The following ATP8A2 variants were observed in gnomAD, a reference collection of about 807,000 sequenced individuals.
ATP8A2 encodes ATPase phospholipid transporting 8A2.
ATP8A2 carries 100 observed loss-of-function variants against 165.6 expected under a neutral mutation model. The ratio of observed to expected loss-of-function variants is 0.60; its 90% CI spans 0.51 to 0.71. The LOEUF (loss-of-function observed/expected upper bound fraction) is 0.71, where lower values mean the gene tolerates loss of function less well. Among genes scored for constraint, ATP8A2 ranks in the 30% least tolerant of loss-of-function variants. The pLI is 0.00. For synonymous variants in ATP8A2, 543 were observed against 548.8 expected, an observed-to-expected ratio of 0.99 and a Z score of 0.15; for missense variants, 1,227 against 1,479.5, an observed-to-expected ratio of 0.83 and a Z score of 2.80.
At chr13:25,979,762 G>A (rs1956140625) in intron 35 of ATP8A2, among the ~76,000 whole-genome samples, 2 of 152,228 alleles carry the variant, frequency 1.3e-5, no homozygotes, top group African/African-American at 4.8e-5. Context: ...GAGACAGTGA[G>A]TGGTGGCTCC....
At chr13:25,875,735 T>A (rs1250265384) in intron 33 of ATP8A2, among the ~76,000 whole-genome samples, 2 of 149,512 alleles carry the variant, frequency 1.3e-5, no homozygotes, top group African/African-American at 5.2e-5. Flanking sequence ...GTCTGTGGCA[T>A]GATATTCATT....
chr13:25,578,153 A>G (rs534846720), intron 20 of ATP8A2, among the ~76,000 whole-genome samples: 35 of 152,368 alleles, frequency 2.3e-4, no homozygotes, highest in African/African-American at 8.2e-4. Flanking sequence ...GAAGAGGTAC[A>G]TACGAAAATG....
chr13:25,868,299 A>G (rs1487038836), intron 33 of ATP8A2, among the ~76,000 whole-genome samples: 1 of 152,226 alleles, frequency 6.6e-6, no homozygotes, highest in East Asian at 1.9e-4. Flanking sequence ...CTGAATGAGC[A>G]TATCTTAAGG....
At chr13:26,001,843 C>T (rs1487762177) in intron 35 of ATP8A2, among the ~76,000 whole-genome samples, 1 of 152,080 alleles carries the variant, frequency 6.6e-6, no homozygotes, top group African/African-American at 2.4e-5. Flanking sequence ...TTGATAATGA[C>T]CTTTGATGCA....
At chr13:25,994,072 C>G (rs1371185680) in intron 35 of ATP8A2, among the ~76,000 whole-genome samples, 1 of 152,064 alleles carries the variant, frequency 6.6e-6, no homozygotes, top group East Asian at 1.9e-4. Context: ...GTTTGCGCCT[C>G]AGTATTTCAT....
intron 24 of ATP8A2, among the ~76,000 whole-genome samples, chr13:25,607,597 T>G (rs1176941485): frequency 6.6e-6 from 1 of 152,238 alleles, no homozygotes; most frequent in East Asian, 1.9e-4. Flanking sequence ...TACTATCTGG[T>G]TCTTTACCAA....
At chr13:25,855,896 G>A (rs962147755) in intron 30 of ATP8A2, among the ~76,000 whole-genome samples, 6 of 152,106 alleles carry the variant, frequency 3.9e-5, no homozygotes, top group Admixed American at 3.9e-4. Flanking sequence ...TTCTTTGATG[G>A]CTAATGATGT....
At chr13:25,826,101 C>G (rs1566177372) in intron 27 of ATP8A2, among the ~76,000 whole-genome samples, 1 of 152,158 alleles carries the variant, frequency 6.6e-6, no homozygotes, top group Non-Finnish European at 1.5e-5. Flanking sequence ...CAAATATTCT[C>G]ACACCCTCAA....
Position 25,428,946 on chromosome 13 carries a change from G to A in ATP8A2, c.77-40031G>A, listed in dbSNP as rs73471909. 2.7e-3 allele frequency among the ~76,000 whole-genome samples: 410 copies of A among 152,282 alleles called. 3 individuals carry two copies. The highest frequency in any genetic ancestry group is 9.2e-3 in the African/African-American group (383 of 41,552). On this transcript the variant is annotated intron_variant, in intron 1 of 36. Coordinates refer to ENST00000381655, the MANE Select transcript of ATP8A2 (RefSeq NM_016529.6). Reference sequence around the variant, plus strand: ...ACAGCACGACCCCAGAACAGGTCTGGGAAATGCCCCCCAGCTAGGCAGCTG... The same window carrying A: ...ACAGCACGACCCCAGAACAGGTCTGAGAAATGCCCCCCAGCTAGGCAGCTG...
At position 25,480,640 on chromosome 13, in the gene ATP8A2, C is replaced by T. The variant is rs1355067956; in HGVS notation, c.221+11519C>T. On this transcript the variant is annotated intron_variant, in intron 2 of 36. Coordinates refer to ENST00000381655, the MANE Select transcript of ATP8A2 (RefSeq NM_016529.6). ...GCTCCTCACTTCCTAGATGGGATGG[C>T]GGCCGGGCAGAGATGCTCCTCACTT... 4.9e-3 allele frequency among the ~76,000 whole-genome samples: 739 copies of T among 151,282 alleles called. 4 individuals are homozygous for T. Among genetic ancestry groups the T allele is most frequent in the African/African-American group, 0.017 (711 of 41,170 alleles).
intron 2 of ATP8A2, among the ~76,000 whole-genome samples, chr13:25,481,813 G>GA (rs1364632003): frequency 6.6e-6 from 1 of 152,134 alleles, no homozygotes; most frequent in Non-Finnish European, 1.5e-5. Flanking sequence ...GAGCAAGAGC[G>GA]AGAGTGAAGG....
intron 33 of ATP8A2, among the ~76,000 whole-genome samples, chr13:25,918,120 A>C (rs999487548): frequency 6.6e-6 from 1 of 152,244 alleles, no homozygotes; most frequent in Non-Finnish European, 1.5e-5. Context: ...GCCAAACCAC[A>C]TAAATGGATT....
At chr13:25,770,332 G>A (rs964429154) in intron 26 of ATP8A2, among the ~76,000 whole-genome samples, 9 of 151,890 alleles carry the variant, frequency 5.9e-5, no homozygotes, top group Non-Finnish European at 1.2e-4. Flanking sequence ...GCACTTGATG[G>A]ATCAGCTGGC....
intron 30 of ATP8A2, among the ~76,000 whole-genome samples, chr13:25,847,388 G>A (rs551418791): frequency 6.6e-6 from 1 of 152,204 alleles, no homozygotes; most frequent in African/African-American, 2.4e-5. Context: ...CTGTTTTCCT[G>A]TATTGTGACA....
chr13:25,722,303 C>T (rs1189293329), intron 25 of ATP8A2, among the ~76,000 whole-genome samples: 1 of 152,240 alleles, frequency 6.6e-6, no homozygotes, highest in South Asian at 2.1e-4. Context: ...CTTTTGTTTC[C>T]AGGGCCTTCA....
intron 2 of ATP8A2, among the ~76,000 whole-genome samples, chr13:25,503,026 C>T (rs1006749009): frequency 6.6e-6 from 1 of 152,160 alleles, no homozygotes; most frequent in Non-Finnish European, 1.5e-5. Context: ...AGAGTGCTGT[C>T]ATGGAGGTGT....
intron 25 of ATP8A2, among the ~76,000 whole-genome samples, chr13:25,751,769 C>A (rs1024764713): frequency 4.6e-5 from 7 of 151,948 alleles, no homozygotes; most frequent in Admixed American, 4.6e-4. Flanking sequence ...AACTTATTTG[C>A]TTTTTCTTTA....
At chr13:25,480,449 G>A (rs1398815147) in intron 2 of ATP8A2, among the ~76,000 whole-genome samples, 1 of 151,100 alleles carries the variant, frequency 6.6e-6, no homozygotes, top group Non-Finnish European at 1.5e-5. Flanking sequence ...TGGGGCGGCT[G>A]GGCAGAGACG....
At chr13:25,896,692 ACTTG>A (rs1463022308) in intron 33 of ATP8A2, among the ~76,000 whole-genome samples, 1 of 152,096 alleles carries the variant, frequency 6.6e-6, no homozygotes, top group African/African-American at 2.4e-5. Context: ...TTCTCTAAGG[ACTTG>A]CTTTATGAAT....
Sources: allele counts gnomAD v4.1 joint callset (sites outside exome capture counted in the v4.1 genomes callset), GRCh38; gene constraint gnomAD v4.1.1; transcripts MANE v1.5; gene names NCBI Gene and HGNC (gene_info 2026-07-23, HGNC 2026-07-21).